G2E3: variants seen among roughly 807,000 people sequenced by gnomAD.
G2E3 encodes G2/M phase-specific E3 ubiquitin-protein ligase.
A neutral mutation model predicts 92.8 loss-of-function variants in G2E3; 35 were observed. That is an observed-to-expected ratio of 0.38 (90% CI 0.29 to 0.50). The LOEUF (loss-of-function observed/expected upper bound fraction) is 0.50. Among genes scored for constraint, G2E3 ranks in the 20% least tolerant of loss-of-function variants. The pLI, the probability that G2E3 is intolerant of heterozygous loss-of-function variation, is 0.94. For missense variants in G2E3, 554 were observed against 823.8 expected (o/e 0.67, Z 4.01); for synonymous variants, 242 against 272.4 (o/e 0.89, Z 1.10).
chr14:30,565,399 A>AT (rs1318489483), intron 1 of G2E3, among the ~76,000 whole-genome samples: 1 of 151,878 alleles, frequency 6.6e-6, no homozygotes, highest in African/African-American at 2.4e-5. Flanking sequence ...ATTTCTGAAT[A>AT]TTTTTTCCCA....
intron 13 of G2E3, among the ~76,000 whole-genome samples, chr14:30,612,827 A>C (rs1322173657): frequency 6.6e-6 from 1 of 152,236 alleles, no homozygotes; most frequent in African/African-American, 2.4e-5. Flanking sequence ...ACTGCACTCC[A>C]GCCTGGGTGA....
At chr14:30,575,320 T>G (rs1039298205) in intron 1 of G2E3, among the ~76,000 whole-genome samples, 1 of 152,176 alleles carries the variant, frequency 6.6e-6, no homozygotes, top group African/African-American at 2.4e-5. Flanking sequence ...TTGATAAAAT[T>G]CAGCAGCCCT....
rs923416593 is a variant in G2E3 at position 30,618,463 on chromosome 14, C to T, written c.*1929C>T. 6.6e-6 allele frequency: 1 copy of T among 151,942 alleles called. No homozygotes were observed. Among genetic ancestry groups the T allele is most frequent in the African/African-American group, 2.4e-5 (1 of 41,386 alleles). 9.4% of individuals were successfully genotyped at this position (151,942 alleles called of 1,614,324 possible). ...TGGTTTTTAGTTGCAATTAATTTCC[C>T]CTAGGGTAGAAATTAAAGCTGATTA... On this transcript the variant is annotated 3_prime_UTR_variant, in exon 15 of 15. Coordinates refer to ENST00000206595, the MANE Select transcript of G2E3 (RefSeq NM_017769.5).
At chr14:30,605,299 G>A (rs1437700819) in intron 10 of G2E3, among the ~76,000 whole-genome samples, 2 of 152,198 alleles carry the variant, frequency 1.3e-5, no homozygotes, top group Non-Finnish European at 2.9e-5. Flanking sequence ...AGATTGGGGT[G>A]AGGAATCAAG....
chr14:30,618,296 ATAGC>A lies in G2E3; in HGVS notation c.*1765_*1768del, dbSNP rs1306704203. 1.3e-5 allele frequency: 2 copies of A among 152,124 alleles called. No homozygotes were observed. The highest frequency in any genetic ancestry group is 4.8e-5 in the African/African-American group (2 of 41,446). The allele number at this position is 152,124 out of a possible 1,614,324, so 9.4% of individuals were successfully genotyped here. A position where few individuals can be genotyped will look rare whatever the true frequency, so the allele number is the denominator to read the frequency against. ...AAAGATCAATTATCAAAGAGTTTGAATAGCTAATATAAACCCCAAAGTCACCATA... is the reference window on the plus strand; with the variant it reads ...AAAGATCAATTATCAAAGAGTTTGAATAATATAAACCCCAAAGTCACCATA... On this transcript the variant is annotated 3_prime_UTR_variant, in exon 15 of 15. Coordinates refer to ENST00000206595, the MANE Select transcript of G2E3 (RefSeq NM_017769.5).
intron 2 of G2E3, among the ~76,000 whole-genome samples, chr14:30,581,523 A>G (rs1169080471): frequency 6.6e-6 from 1 of 152,198 alleles, no homozygotes; most frequent in Non-Finnish European, 1.5e-5. Context: ...CCTGGCCAAC[A>G]TGACAAAACC....
chr14:30,602,974 G>A (rs1881645566), intron 10 of G2E3: 1 of 152,058 alleles, frequency 6.6e-6, no homozygotes, highest in African/African-American at 2.4e-5. Flanking sequence ...CTAAATGTCA[G>A]CTCTTCCCTT....
rs141357590 is a variant in G2E3 at position 30,611,891 on chromosome 14, G to A, written c.1501-316G>A. 116 of 176,768 alleles carry A rather than the reference G, an allele frequency of 6.6e-4. 1 individual carries two copies. In the East Asian group the frequency reaches 0.019, roughly 29 times the overall value. 10.9% of individuals were successfully genotyped at this position (176,768 alleles called of 1,614,324 possible). A position where few individuals can be genotyped will look rare whatever the true frequency, so the allele number is the denominator to read the frequency against. ...GTTCTTGAACTTCTGGCCTCAAGCAGGCCTCCCACCTCAGCCTCCCTAGTA... is the reference window on the plus strand; with the variant it reads ...GTTCTTGAACTTCTGGCCTCAAGCAAGCCTCCCACCTCAGCCTCCCTAGTA... On this transcript the variant is annotated intron_variant, in intron 12 of 14. Coordinates refer to ENST00000206595, the MANE Select transcript of G2E3 (RefSeq NM_017769.5).
At chr14:30,580,182 A>C (rs1880349763) in intron 1 of G2E3, among the ~76,000 whole-genome samples, 1 of 151,984 alleles carries the variant, frequency 6.6e-6, no homozygotes, top group Non-Finnish European at 1.5e-5. Flanking sequence ...TACGGTATAG[A>C]CTAATAAAGG....
chr14:30,591,340 C>T (rs1881001883), intron 4 of G2E3, among the ~76,000 whole-genome samples: 1 of 152,130 alleles, frequency 6.6e-6, no homozygotes, highest in Admixed American at 6.6e-5. Flanking sequence ...CTGTATTTTG[C>T]TAATGATTGA....
At position 30,583,731 on chromosome 14, in the gene G2E3, G is replaced by T. The variant is rs115816378; in HGVS notation, c.37+2615G>T. The stretch of plus-strand genomic sequence containing the variant: ...GCTCCATTTAGCTGTTCCACAATAT[G>T]TACATATATCAAAACATCGTGCTAA... On this transcript the variant is annotated intron_variant, in intron 2 of 14. Coordinates refer to ENST00000206595, the MANE Select transcript of G2E3 (RefSeq NM_017769.5). Among the ~76,000 whole-genome samples, 511 of 152,252 alleles carry T rather than the reference G, an allele frequency of 3.4e-3. 3 individuals are homozygous for T. Among genetic ancestry groups the T allele is most frequent in the African/African-American group, 0.012 (490 of 41,546 alleles).
At chr14:30,575,956 C>T (rs959271715) in intron 1 of G2E3, among the ~76,000 whole-genome samples, 5 of 152,182 alleles carry the variant, frequency 3.3e-5, no homozygotes, top group African/African-American at 1.2e-4. Flanking sequence ...AAACAATTTA[C>T]AGATTCACTG....
intron 4 of G2E3, chr14:30,590,426 CAA>C (rs1305617490): frequency 4.5e-5 from 11 of 245,376 alleles, no homozygotes; most frequent in Admixed American, 3.4e-4. Flanking sequence ...CCAAATTTTT[CAA>C]AGTGTGAAAA....
chr14:30,600,522 T>C (rs980049362), intron 8 of G2E3, among the ~76,000 whole-genome samples: 4 of 152,168 alleles, frequency 2.6e-5, no homozygotes, highest in Admixed American at 1.3e-4. Flanking sequence ...ATAATGTATA[T>C]AGAATTTTAA....
intron 1 of G2E3, chr14:30,560,587 T>C: frequency 1.8e-6 from 1 of 540,972 alleles, no homozygotes; most frequent in Non-Finnish European, 3.3e-6. Context: ...GCCTTTCTGC[T>C]CATTTCATAT....
chr14:30,560,413 T>C (rs1169183355), intron 1 of G2E3: 1 of 192,872 alleles, frequency 5.2e-6, no homozygotes, highest in Non-Finnish European at 1.1e-5. Flanking sequence ...AAACATTCCT[T>C]CATCCAGTGC....
chr14:30,607,454 G>A (rs1881882966), intron 11 of G2E3, among the ~76,000 whole-genome samples: 1 of 152,108 alleles, frequency 6.6e-6, no homozygotes, highest in East Asian at 1.9e-4. Context: ...GTAGACAATT[G>A]TAACACAATG....
intron 8 of G2E3, among the ~76,000 whole-genome samples, chr14:30,599,368 C>G (rs1220083298): frequency 3.3e-5 from 5 of 152,188 alleles, no homozygotes; most frequent in Admixed American, 3.3e-4. Context: ...GTTGGGATTA[C>G]AGGCGCATGC....
At chr14:30,592,997 A>T (rs184466589) in intron 5 of G2E3, among the ~76,000 whole-genome samples, 279 of 152,254 alleles carry the variant, frequency 1.8e-3, no homozygotes, top group Admixed American at 4.2e-3. Flanking sequence ...TATTTAATGG[A>T]TTGTTATCAT....
Sources: allele counts gnomAD v4.1 joint callset (sites outside exome capture counted in the v4.1 genomes callset), GRCh38; gene constraint gnomAD v4.1.1; transcripts MANE v1.5; gene names NCBI Gene and HGNC (gene_info 2026-07-23, HGNC 2026-07-21).